Variants in SCARF2 observed in about 807,000 individuals in gnomAD.
SCARF2 encodes the protein scavenger receptor expressed by endothelial cells 2 protein.
In SCARF2, 39 loss-of-function variants were observed where a neutral mutation model predicts 73.4. The observed-to-expected ratio is 0.53, with a 90% CI of 0.41 to 0.69. SCARF2 has a LOEUF of 0.69. SCARF2 is among the 30% of genes least tolerant of loss of function. The pLI is 0.00. For synonymous variants in SCARF2, 605 were observed against 590.0 expected (o/e 1.03, Z -0.37); for missense variants, 1,148 against 1,303.5 (o/e 0.88, Z 1.84).
Position 20,425,920 on chromosome 22 carries a change from G to A in SCARF2, c.2056C>T (p.Pro686Ser). ...AAGRAPSPPP[P>S]GSEAAPSPSK... is the part of the protein sequence containing the mutation. ...GGGCTGGGCGCGGCCTCGGAGCCTG[G>A]CGGCGGTGGTGAGGGCGCACGGCCA... The change falls in exon 11 of 11, where the codon CCA (proline) becomes TCA (serine). Residue 686 changes from proline (P) to serine (S), a missense_variant. Coordinates refer to ENST00000622235, the MANE Select transcript of SCARF2 (RefSeq NM_182895.5). This position sits in a 1 kb window ranked among gnomAD's most constrained non-coding sequence, Gnocchi z 4.6. 6.3e-7 allele frequency: 1 copy of A among 1,597,664 alleles called. No individual in the cohort carries two copies. The highest frequency in any genetic ancestry group is 8.5e-7 in the Non-Finnish European group (1 of 1,175,380).
chr22:20,436,784 C>T lies in SCARF2; in HGVS notation c.173+798G>A, dbSNP rs1445167836. ...TGGCCTTTGGCCAGCCCACCGGCTCCCCCGACCCCAGCTCCTAACTCCTGG... is the reference window on the plus strand; with the variant it reads ...TGGCCTTTGGCCAGCCCACCGGCTCTCCCGACCCCAGCTCCTAACTCCTGG... On this transcript the variant is annotated intron_variant, in intron 1 of 10. Coordinates refer to ENST00000622235, the MANE Select transcript of SCARF2 (RefSeq NM_182895.5). Among the ~76,000 whole-genome samples the T allele has an allele frequency of 2.0e-5, 3 of 152,306 alleles. No individual in the cohort carries two copies. The East Asian group carries it at 5.8e-4, about 30-fold the overall frequency.
Position 20,431,836 on chromosome 22 carries a change from T to G in SCARF2, c.243A>C (p.Glu81Asp), listed in dbSNP as rs2052652546. Residue 81 changes from glutamate to aspartate, a missense_variant, in exon 3 of 11, where the codon GAA becomes GAC. Coordinates refer to ENST00000622235, the MANE Select transcript of SCARF2 (RefSeq NM_182895.5). ...CGTTCTCTGAGCACGTGGAGTTGCC[T>G]TCGCACACCGCTGTGGACGAGACAG... ...QGDECGIAVC[E>D]GNSTCSENEV... The G allele has an allele frequency of 6.3e-7, 1 of 1,598,352 alleles. No individual in the cohort carries two copies. Among genetic ancestry groups the G allele is most frequent in the Non-Finnish European group, 8.5e-7 (1 of 1,173,664 alleles).
chr22:20,432,110 G>C (rs941790393), intron 1 of SCARF2, 122 bp from the exon 2 acceptor site: 2 of 1,017,446 alleles, frequency 2.0e-6, no homozygotes, highest in Non-Finnish European at 3.0e-6. Context: ...GTCCTAGGGG[G>C]GTGGTTAATG....
rs1026893241 is a variant in SCARF2 at position 20,429,985 on chromosome 22, C to T, written c.1203-152G>A. On this transcript the variant is annotated intron_variant, in intron 6 of 10. Transcript: ENST00000622235. This position sits in a 1 kb window ranked among gnomAD's most constrained non-coding sequence, Gnocchi z 5.2. Reference sequence around the variant, plus strand: ...GTCGTCTAGGGATTGAAGCCCCGCCCCGCCCGTGGCACATATTGGGTAGTG... The same window carrying T: ...GTCGTCTAGGGATTGAAGCCCCGCCTCGCCCGTGGCACATATTGGGTAGTG... 2.7e-6 allele frequency: 2 copies of T among 731,930 alleles called. No individual in the cohort carries two copies. Among genetic ancestry groups the T allele is most frequent in the South Asian group, 1.7e-5 (1 of 57,562 alleles). 45.3% of individuals were successfully genotyped at this position (731,930 alleles called of 1,614,324 possible).
intron 6 of SCARF2, 86 bp downstream of exon 6, chr22:20,430,343 C>T (rs73156937): frequency 6.8e-7 from 1 of 1,475,948 alleles, no homozygotes; most frequent in South Asian, 1.3e-5. Context: ...TAACCCAGCT[C>T]AGGGTGGAGA....
At chr22:20,434,525 T>C (rs1448570636) in intron 1 of SCARF2, among the ~76,000 whole-genome samples, 1 of 152,190 alleles carries the variant, frequency 6.6e-6, no homozygotes, top group African/African-American at 2.4e-5. Context: ...TTGGGTTCAC[T>C]GAGAACAAGA....
chr22:20,431,884 G>GCCCCGCCCCCTC, intron 2 of SCARF2, 38 bp from the exon 3 acceptor site: 1 of 1,596,020 alleles, frequency 6.3e-7, no homozygotes, highest in Non-Finnish European at 8.5e-7. Flanking sequence ...GCGCGTCCTA[G>GCCCCGCCCCCTC]CCCCGCCCCC....
At chr22:20,430,323 G>C in intron 6 of SCARF2, 106 bp downstream of exon 6, 1 of 1,368,858 alleles carries the variant, frequency 7.3e-7, no homozygotes, top group South Asian at 1.3e-5. Context: ...AGGGACCAAG[G>C]CTGAGGTGAT....
Position 20,424,658 on chromosome 22 carries a change from C to T in SCARF2, c.*717G>A, listed in dbSNP as rs1328238987. On this transcript the variant is annotated 3_prime_UTR_variant, in exon 11 of 11. Transcript: ENST00000622235. ...GAGGAGCCCATCCTGGGGCACCGGC[C>T]GAGGGGGGAGCAGCCCTGCTGGGGG... Among the ~76,000 whole-genome samples, 1 of 152,192 alleles carries T rather than the reference C, an allele frequency of 6.6e-6. No homozygotes were observed. The highest frequency in any genetic ancestry group is 1.9e-4 in the East Asian group (1 of 5,180).
rs1173952181 is a variant in SCARF2, at chr22:20,429,965, C to T, written c.1203-132G>A. ...GGCTCTCTCTCGCTGCATTCGTCGT[C>T]TAGGGATTGAAGCCCCGCCCCGCCC... On this transcript the variant is annotated intron_variant, in intron 6 of 10. Coordinates refer to ENST00000622235, the MANE Select transcript of SCARF2 (RefSeq NM_182895.5). This position sits in a 1 kb window ranked among gnomAD's most constrained non-coding sequence, Gnocchi z 5.2. The T allele has an allele frequency of 3.4e-6, 3 of 885,010 alleles. No individual in the cohort carries two copies. Among genetic ancestry groups the T allele is most frequent in the Non-Finnish European group, 5.2e-6 (3 of 575,720 alleles). 54.8% of individuals were successfully genotyped at this position (885,010 alleles called of 1,614,324 possible).
chr22:20,432,894 T>G (rs879451500), intron 1 of SCARF2, among the ~76,000 whole-genome samples: 1 of 152,176 alleles, frequency 6.6e-6, no homozygotes, highest in Non-Finnish European at 1.5e-5. Flanking sequence ...ATTTTTGTAT[T>G]TTTACTAGAG....
intron 10 of SCARF2, among the ~76,000 whole-genome samples, chr22:20,426,926 C>CA (rs558218482): frequency 0.033 from 4,288 of 128,890 alleles, 168 homozygotes; most frequent in African/African-American, 0.1. Flanking sequence ...GACTCCGTCT[C>CA]AAAAAAAAAA....
At position 20,425,804 on chromosome 22, in the gene SCARF2, G is replaced by A. The variant is rs759610; in HGVS notation, c.2172C>T (p.Pro724=). 6.6e-7 allele frequency: 1 copy of A among 1,510,370 alleles called. No individual in the cohort carries two copies. Among genetic ancestry groups the A allele is most frequent in the Non-Finnish European group, 8.8e-7 (1 of 1,135,532 alleles). 93.6% of individuals were successfully genotyped at this position (1,510,370 alleles called of 1,614,324 possible). ...GGGCTGTCGCCTCCTCGGGCAGCCC[G>A]GGGGGCCGCGGCGTTGGGTCGCGGG... ...PRTRDPTPRP[P]GLPEEATALA... is the part of the protein sequence containing the mutation. Residue 724 remains proline, a synonymous_variant, in exon 11 of 11, where the codon CCC becomes CCT. Transcript: ENST00000622235. The surrounding 1 kb of genome is among the most constrained non-coding windows in gnomAD (Gnocchi z 4.6).
Position 20,425,875 on chromosome 22 carries a change from G to A in SCARF2, c.2101C>T (p.Pro701Ser), listed in dbSNP as rs759980188. 30 of 1,597,226 alleles carry A rather than the reference G, an allele frequency of 1.9e-5. 1 individual carries two copies. The Middle Eastern group carries it at 2.0e-3, about 106-fold the overall frequency. Reference sequence around the variant, plus strand: ...ACCGTATGCGCCGATTTGTCGCTGGGCGTCCGTTTCCTCTTGCTGGGGCTG... The same window carrying A: ...ACCGTATGCGCCGATTTGTCGCTGGACGTCCGTTTCCTCTTGCTGGGGCTG... ...APSPSKRKRT[P>S]SDKSAHTVEH... Residue 701 changes from proline (P) to serine (S), a missense_variant, in exon 11 of 11, where the codon CCC (proline) becomes TCC (serine). By Grantham distance (74) the Pro-to-Ser change is moderately conservative. This residue lies in a region of SCARF2 where 437 missense variants were observed against 433.6 expected (regional missense o/e 1.01). Transcript: ENST00000622235. This position sits in a 1 kb window ranked among gnomAD's most constrained non-coding sequence, Gnocchi z 4.6.
intron 10 of SCARF2, among the ~76,000 whole-genome samples, chr22:20,427,059 T>G (rs2052586535): frequency 6.6e-6 from 1 of 152,100 alleles, no homozygotes; most frequent in Admixed American, 6.6e-5. Context: ...TATCTGTGGA[T>G]CAAAGGCTGT....
chr22:20,425,400 C>A lies in SCARF2; in HGVS notation c.2576G>T (p.Gly859Val). ...CTACAGGGTGGGTGCGCCCGCCCTG[C>A]CCAGCTCGCCCGCCGCCTCCCGGCT... ...KKSREAAGEL[G>V]RAGAPTL Residue 859 changes from glycine to valine, a missense_variant, in exon 11 of 11, where the codon GGC becomes GTC. Gly to Val is a moderately radical substitution (Grantham distance 109, BLOSUM62 -3). Coordinates refer to ENST00000622235, the MANE Select transcript of SCARF2 (RefSeq NM_182895.5). The surrounding 1 kb of genome is among the most constrained non-coding windows in gnomAD (Gnocchi z 4.6). 7.0e-7 allele frequency: 1 copy of A among 1,429,292 alleles called. No homozygotes were observed. Among genetic ancestry groups the A allele is most frequent in the Non-Finnish European group, 9.2e-7 (1 of 1,089,146 alleles). The allele number at this position is 1,429,292 out of a possible 1,614,324, so 88.5% of individuals were successfully genotyped here.
intron 1 of SCARF2, among the ~76,000 whole-genome samples, chr22:20,435,715 A>T (rs1299835024): frequency 6.6e-6 from 1 of 152,154 alleles, no homozygotes; most frequent in Non-Finnish European, 1.5e-5. Context: ...TCTCCTCAGA[A>T]CACCCTAAAG....
intron 1 of SCARF2, among the ~76,000 whole-genome samples, chr22:20,434,071 T>G (rs2052673539): frequency 6.6e-6 from 1 of 152,212 alleles, no homozygotes; most frequent in Non-Finnish European, 1.5e-5. Flanking sequence ...CAGCTTAAGC[T>G]CTTTGAGCTT....
rs772898639 is a variant in SCARF2, at chr22:20,430,752, C to T, written c.1011G>A (p.Gly337=). The T allele has an allele frequency of 1.2e-6, 2 of 1,607,386 alleles. No homozygotes were observed. The highest frequency in any genetic ancestry group is 8.5e-7 in the Non-Finnish European group (1 of 1,177,646). The change falls in exon 5 of 11, where the codon GGG becomes GGA. Residue 337 remains glycine, a synonymous_variant. Transcript: ENST00000622235. ...TGCCGGTGACATGGTTACAGGCATG[C>T]CCGTCGCGGCATGGCGGACAGCGGT... ...CSHRCPPCRD[G]HACNHVTGKC... is the part of the protein sequence containing the mutation.
Sources: allele counts gnomAD v4.1 joint callset (sites outside exome capture counted in the v4.1 genomes callset), GRCh38; gene constraint gnomAD v4.1.1; regional missense constraint gnomAD v4.1.1; non-coding constraint Gnocchi (gnomAD v3.1); transcripts MANE v1.5; gene names NCBI Gene and HGNC (gene_info 2026-07-23, HGNC 2026-07-21).